Variants in WDR33 observed in about 807,000 individuals in gnomAD.
WDR33 encodes the protein WD repeat domain 33, also known as pre-mRNA 3' end processing protein WDR33.
WDR33 carries 47 observed loss-of-function variants against 164.9 expected under a neutral mutation model. That is an observed-to-expected ratio of 0.29 (90% CI 0.23 to 0.36). WDR33 has a LOEUF of 0.36. Ranked by LOEUF, WDR33 falls within the 10% of genes least tolerant of loss-of-function variation. WDR33 has a pLI of 1.00. For synonymous variants in WDR33, 505 were observed against 589.0 expected (o/e 0.86, Z 2.06); for missense variants, 1,137 against 1,754.1 (o/e 0.65, Z 6.28).
chr2:127,767,833 G>A (rs1199220872), intron 4 of WDR33, among the ~76,000 whole-genome samples: 1 of 152,180 alleles, frequency 6.6e-6, no homozygotes, highest in Non-Finnish European at 1.5e-5. Flanking sequence ...ATGTTTTCCT[G>A]TCTGTTAACT....
chr2:127,750,293 G>A (rs1200772586), intron 7 of WDR33, among the ~76,000 whole-genome samples: 3 of 152,042 alleles, frequency 2.0e-5, no homozygotes, highest in African/African-American at 7.2e-5. Context: ...CTCCCAAAGT[G>A]CTGGGATTAC....
chr2:127,811,150 T>C lies in WDR33; in HGVS notation c.-162A>G, dbSNP rs1558970268. The C allele has an allele frequency of 1.3e-5, 2 of 152,826 alleles. No individual in the cohort carries two copies. The highest frequency in any genetic ancestry group is 6.5e-5 in the Admixed American group (1 of 15,290). The allele number at this position is 152,826 out of a possible 1,614,324, so 9.5% of individuals were successfully genotyped here. On this transcript the variant is annotated 5_prime_UTR_variant, in exon 1 of 22. Coordinates refer to ENST00000322313, the MANE Select transcript of WDR33 (RefSeq NM_018383.5). The surrounding 1 kb of genome is among the most constrained non-coding windows in gnomAD (Gnocchi z 4.1). ...AAGGAGCAGCCGCCATCTTCCCCTA[T>C]GGGCCACCGAACGCACGCTCTGGGG...
At position 127,724,458 on chromosome 2, in the gene WDR33, A is replaced by G; in HGVS notation, c.1086-15T>C. 6.2e-7 allele frequency: 1 copy of G among 1,605,878 alleles called. No homozygotes were observed. The highest frequency in any genetic ancestry group is 8.5e-7 in the Non-Finnish European group (1 of 1,173,518). ...CCTTCTCTACCCTGCAACAGCACCA[A>G]AGAGAGAAGATTTGTTCACAAAAGT... On this transcript the variant is annotated splice_polypyrimidine_tract_variant and intron_variant, in intron 10 of 21. Transcript: ENST00000322313. The surrounding 1 kb of genome is among the most constrained non-coding windows in gnomAD (Gnocchi z 4.8).
In WDR33 at chr2:127,719,486, C is replaced by T; in HGVS notation, c.2539G>A (p.Gly847Arg). ...GGCCCTCGCAATTCCTGGGGAGGTCCCAGCATTGATCCTTGGGGTGGAGGC... is the reference window on the plus strand; with the variant it reads ...GGCCCTCGCAATTCCTGGGGAGGTCTCAGCATTGATCCTTGGGGTGGAGGC... Reference protein sequence around the residue: ...QGPPPQGSMLGPPQELRGPPG... With the variant: ...QGPPPQGSMLRPPQELRGPPG... Residue 847 changes from glycine (G) to arginine (R), a missense_variant, in exon 16 of 22, where the codon GGA becomes AGA. Coordinates refer to ENST00000322313, the MANE Select transcript of WDR33 (RefSeq NM_018383.5). This position sits in a 1 kb window ranked among gnomAD's most constrained non-coding sequence, Gnocchi z 6.5. 6.2e-7 allele frequency: 1 copy of T among 1,605,472 alleles called. No homozygotes were observed. The highest frequency in any genetic ancestry group is 8.5e-7 in the Non-Finnish European group (1 of 1,175,028).
chr2:127,745,626 A>C (rs1195775070), intron 7 of WDR33, among the ~76,000 whole-genome samples: 1 of 152,218 alleles, frequency 6.6e-6, no homozygotes, highest in Non-Finnish European at 1.5e-5. Context: ...TTTTGATCCA[A>C]CTTAAAATGA....
chr2:127,786,844 C>CTTTTTTTT (rs71307273), intron 1 of WDR33, among the ~76,000 whole-genome samples: 2 of 111,844 alleles, frequency 1.8e-5, no homozygotes, highest in East Asian at 2.6e-4. Context: ...CCTTTCTGTT[C>CTTTTTTTT]TTTTTTTTTT....
rs557391879 is a variant in WDR33, at chr2:127,764,592, C to T, written c.626+236G>A. Reference sequence around the variant, plus strand: ...GAAAAGAGAAAACCAGTGCAAAATGCGGCAGACAGTACATCTCTAACATAT... The same window carrying T: ...GAAAAGAGAAAACCAGTGCAAAATGTGGCAGACAGTACATCTCTAACATAT... On this transcript the variant is annotated intron_variant, in intron 6 of 21. Transcript: ENST00000322313. The surrounding 1 kb of genome is among the most constrained non-coding windows in gnomAD (Gnocchi z 6.2). The T allele has an allele frequency of 9.4e-5, 146 of 1,551,688 alleles. 1 individual carries two copies. Among genetic ancestry groups the T allele is most frequent in the Non-Finnish European group, 5.7e-5 (65 of 1,147,096 alleles).
Position 127,701,636 on chromosome 2 carries a change from G to A in WDR33, c.*4687C>T. On this transcript the variant is annotated 3_prime_UTR_variant, in exon 22 of 22. Transcript: ENST00000322313. ...CCGCGGAGAAGGCGGAGGAGCCCGG[G>A]GACCGGCCGGCGGAGGAGTGGCTGG... 1.5e-6 allele frequency: 2 copies of A among 1,321,372 alleles called. No homozygotes were observed. The highest frequency in any genetic ancestry group is 2.0e-5 in the South Asian group (1 of 49,020). The allele number at this position is 1,321,372 out of a possible 1,614,324, so 81.9% of individuals were successfully genotyped here. A position where few individuals can be genotyped will look rare whatever the true frequency, so the allele number is the denominator to read the frequency against.
chr2:127,708,687 T>C lies in WDR33; in HGVS notation c.3771A>G (p.Arg1257=). 6.2e-7 allele frequency: 1 copy of C among 1,604,662 alleles called. No individual in the cohort carries two copies. The change falls in exon 21 of 22, where the codon CGA becomes CGG. Residue 1257 remains arginine (R), a synonymous_variant. Coordinates refer to ENST00000322313, the MANE Select transcript of WDR33 (RefSeq NM_018383.5). The surrounding 1 kb of genome is among the most constrained non-coding windows in gnomAD (Gnocchi z 6.7). Reference sequence around the variant, plus strand: ...CTGGCCTGCTCTTACCTTTGCCTCCTCGGTCTTCAGAAGGGCCTCCTGGGG... The same window carrying C: ...CTGGCCTGCTCTTACCTTTGCCTCCCCGGTCTTCAGAAGGGCCTCCTGGGG... ...MEAPGGPSED[R]GGKGRGGPGP...
In WDR33 at chr2:127,766,897, C is replaced by CT. The variant is rs553160900; in HGVS notation, c.378+1291dup. Reference sequence around the variant, plus strand: ...TGATTCCCCTGTCTCAGCCTCCTCTCTCAGGCACGTGCCACCACACCCGGC... The same window carrying CT: ...TGATTCCCCTGTCTCAGCCTCCTCTCTTCAGGCACGTGCCACCACACCCGGC... On this transcript the variant is annotated intron_variant, in intron 4 of 21. Transcript: ENST00000322313. Among the ~76,000 whole-genome samples, 172 of 152,072 alleles carry CT rather than the reference C, an allele frequency of 1.1e-3. 2 individuals carry two copies. Among genetic ancestry groups the CT allele is most frequent in the African/African-American group, 3.6e-3 (151 of 41,516 alleles).
At chr2:127,743,672 T>G (rs1407937142) in intron 7 of WDR33, among the ~76,000 whole-genome samples, 1 of 152,210 alleles carries the variant, frequency 6.6e-6, no homozygotes, top group Non-Finnish European at 1.5e-5. Flanking sequence ...GATTTCCTTC[T>G]GTAACCTAGT....
intron 1 of WDR33, among the ~76,000 whole-genome samples, chr2:127,775,323 G>GGACT (rs1252425893): frequency 1.3e-5 from 2 of 152,050 alleles, no homozygotes; most frequent in African/African-American, 4.8e-5. Flanking sequence ...CAAGTAGCTG[G>GGACT]GACTATAAGT....
At chr2:127,749,026 T>C (rs1311335514) in intron 7 of WDR33, among the ~76,000 whole-genome samples, 4 of 152,164 alleles carry the variant, frequency 2.6e-5, no homozygotes, top group Non-Finnish European at 5.9e-5. Flanking sequence ...TAAGTATTAA[T>C]CATATCTACA....
At chr2:127,800,056 C>A (rs1689182339) in intron 1 of WDR33, among the ~76,000 whole-genome samples, 2 of 152,152 alleles carry the variant, frequency 1.3e-5, no homozygotes, top group Admixed American at 6.5e-5. Flanking sequence ...GGTTGTTAGG[C>A]ATAAAATAAA....
At position 127,706,142 on chromosome 2, in the gene WDR33, G is replaced by C; in HGVS notation, c.*181C>G. The C allele has an allele frequency of 2.1e-6, 1 of 467,448 alleles. No individual in the cohort carries two copies. Among genetic ancestry groups the C allele is most frequent in the South Asian group, 6.7e-5 (1 of 14,816 alleles). The allele number at this position is 467,448 out of a possible 1,614,324, so 29.0% of individuals were successfully genotyped here. ...AGGGTGGACAGGACAGGGCCAGCCA[G>C]GCTGGTAGCTGGCAGCAGTCTCTTC... On this transcript the variant is annotated 3_prime_UTR_variant, in exon 22 of 22. Transcript: ENST00000322313. This position sits in a 1 kb window ranked among gnomAD's most constrained non-coding sequence, Gnocchi z 5.1.
chr2:127,771,894 A>G (rs777714943), intron 1 of WDR33, among the ~76,000 whole-genome samples: 3 of 152,310 alleles, frequency 2.0e-5, no homozygotes, highest in South Asian at 2.1e-4. Flanking sequence ...AGCACAATTC[A>G]TAACAGCTTG....
intron 7 of WDR33, among the ~76,000 whole-genome samples, chr2:127,748,451 C>A (rs1687226446): frequency 6.6e-6 from 1 of 152,182 alleles, no homozygotes; most frequent in Admixed American, 6.5e-5. Flanking sequence ...GGGAGGGCAG[C>A]TTTGGATGAT....
intron 1 of WDR33, among the ~76,000 whole-genome samples, chr2:127,773,178 A>G (rs1214785323): frequency 2.0e-5 from 3 of 152,164 alleles, no homozygotes; most frequent in African/African-American, 7.2e-5. Flanking sequence ...TATTACAAAT[A>G]CAATAAAGGA....
intron 1 of WDR33, among the ~76,000 whole-genome samples, chr2:127,798,452 C>T (rs1689121263): frequency 6.7e-6 from 1 of 148,780 alleles, no homozygotes; most frequent in Admixed American, 6.7e-5. Context: ...AAGGAACAAT[C>T]CTAAAGAGCT....
Sources: gnomAD v4.1 joint callset for allele counts (sites outside exome capture counted in the v4.1 genomes callset) on GRCh38, gnomAD v4.1.1 for gene constraint, Gnocchi (gnomAD v3.1) non-coding constraint, MANE v1.5 for transcripts, NCBI Gene and HGNC (gene_info 2026-07-23, HGNC 2026-07-21) for gene names.